BARD1: variants seen among roughly 807,000 people sequenced by gnomAD.
The protein encoded by BARD1 is BRCA1-associated RING domain protein 1.
A neutral mutation model predicts 77.0 loss-of-function variants in BARD1; 73 were observed. That is an observed-to-expected ratio of 0.95 (90% CI 0.79 to 1.15). The LOEUF (loss-of-function observed/expected upper bound fraction) is 1.15. BARD1 is among the 50% of genes most tolerant of loss of function. BARD1 has a pLI of 0.00. For synonymous variants in BARD1, 384 were observed against 338.0 expected, an observed-to-expected ratio of 1.14 and a Z score of -1.49; for missense variants, 993 against 938.8, an observed-to-expected ratio of 1.06 and a Z score of -0.75.
At chr2:214,740,972 C>T (rs1318342997) in intron 9 of BARD1, among the ~76,000 whole-genome samples, 1 of 151,900 alleles carries the variant, frequency 6.6e-6, no homozygotes, top group Non-Finnish European at 1.5e-5. Flanking sequence ...TTCCATAGTA[C>T]TCTCAGTATC....
intron 9 of BARD1, among the ~76,000 whole-genome samples, chr2:214,739,701 C>T (rs1692726395): frequency 6.6e-6 from 1 of 152,038 alleles, no homozygotes; most frequent in African/African-American, 2.4e-5. Context: ...AAAATAAAGG[C>T]TAAATGTTTC....
intron 4 of BARD1, among the ~76,000 whole-genome samples, chr2:214,776,736 T>C (rs922269240): frequency 6.6e-6 from 1 of 152,294 alleles, no homozygotes; most frequent in Non-Finnish European, 1.5e-5. Context: ...TATGTTACCT[T>C]ACGTGGTGAA....
At chr2:214,801,987 T>C (rs1474715118) in intron 1 of BARD1, among the ~76,000 whole-genome samples, 1 of 151,872 alleles carries the variant, frequency 6.6e-6, no homozygotes, top group Non-Finnish European at 1.5e-5. Context: ...GCCTCCCACA[T>C]AGCTGAGACT....
At chr2:214,779,551 T>C (rs1020556296) in intron 4 of BARD1, among the ~76,000 whole-genome samples, 1 of 152,214 alleles carries the variant, frequency 6.6e-6, no homozygotes, top group African/African-American at 2.4e-5. Flanking sequence ...CAGCAGCAGC[T>C]GGGATAAGCT....
chr2:214,740,904 T>TTTG (rs1409061036), intron 9 of BARD1, among the ~76,000 whole-genome samples: 1 of 142,122 alleles, frequency 7.0e-6, no homozygotes, highest in African/African-American at 3.1e-5. Flanking sequence ...ATACGAATGT[T>TTTG]TTTTTTTAAA....
chr2:214,748,775 A>G (rs1693263120), intron 7 of BARD1, among the ~76,000 whole-genome samples: 1 of 151,910 alleles, frequency 6.6e-6, no homozygotes, highest in Non-Finnish European at 1.5e-5. Context: ...GAGATCACTG[A>G]TTTAAAGGGT....
At chr2:214,799,615 C>G (rs1695922713) in intron 1 of BARD1, among the ~76,000 whole-genome samples, 1 of 152,176 alleles carries the variant, frequency 6.6e-6, no homozygotes, top group Admixed American at 6.5e-5. Context: ...GTTCCCATAT[C>G]TTTTCTGCCT....
chr2:214,785,890 AAT>A (rs1475338436), intron 3 of BARD1, among the ~76,000 whole-genome samples: 4 of 151,996 alleles, frequency 2.6e-5, no homozygotes, highest in African/African-American at 7.3e-5. Flanking sequence ...GGCTTCTTAC[AAT>A]ATGTTTTGTT....
intron 1 of BARD1, among the ~76,000 whole-genome samples, chr2:214,802,113 A>T (rs1696052299): frequency 6.6e-6 from 1 of 152,076 alleles, no homozygotes; most frequent in Admixed American, 6.5e-5. Context: ...CAATGGTTCG[A>T]CTCACAATTT....
chr2:214,751,601 G>A (rs1559393818), intron 7 of BARD1, among the ~76,000 whole-genome samples: 1 of 152,050 alleles, frequency 6.6e-6, no homozygotes, highest in Admixed American at 6.6e-5. Flanking sequence ...TAAGCTATGG[G>A]TTCCTAAGAA....
At chr2:214,753,763 G>A (rs1693568104) in intron 6 of BARD1, among the ~76,000 whole-genome samples, 1 of 152,104 alleles carries the variant, frequency 6.6e-6, no homozygotes, top group South Asian at 2.1e-4. Context: ...GAAAGCTAAT[G>A]TATTAGAATA....
chr2:214,775,294 TCA>T (rs1305203559), intron 4 of BARD1, among the ~76,000 whole-genome samples: 1 of 152,172 alleles, frequency 6.6e-6, no homozygotes, highest in African/African-American at 2.4e-5. Context: ...ACTTGAAAAC[TCA>T]GAGGACATTG....
rs548161156 is a variant in BARD1, at chr2:214,789,239, T to G, written c.364+3058A>C. 2.0e-4 allele frequency among the ~76,000 whole-genome samples: 31 copies of G among 152,126 alleles called. No individual in the cohort carries two copies. In the South Asian group the frequency reaches 6.4e-3, roughly 32 times the overall value. ...TTCTAAGAATGTATTTTAAAATTATTTTAATTAGGTCAGGCACAATTAGCT... is the reference window on the plus strand; with the variant it reads ...TTCTAAGAATGTATTTTAAAATTATGTTAATTAGGTCAGGCACAATTAGCT... On this transcript the variant is annotated intron_variant, in intron 3 of 10. Transcript: ENST00000260947.
intron 6 of BARD1, among the ~76,000 whole-genome samples, chr2:214,755,698 T>C (rs1009532848): frequency 6.6e-6 from 1 of 152,166 alleles, no homozygotes; most frequent in Admixed American, 6.5e-5. Flanking sequence ...AAGCTTTCTA[T>C]CAAACCTTCT....
At chr2:214,799,785 T>C (rs988692761) in intron 1 of BARD1, among the ~76,000 whole-genome samples, 12 of 152,148 alleles carry the variant, frequency 7.9e-5, no homozygotes, top group African/African-American at 2.7e-4. Flanking sequence ...CAGATAAAAG[T>C]TCTTAAATGA....
At chr2:214,736,140 C>T (rs1429200399) in intron 9 of BARD1, among the ~76,000 whole-genome samples, 1 of 151,962 alleles carries the variant, frequency 6.6e-6, no homozygotes, top group East Asian at 1.9e-4. Flanking sequence ...TTAATAACCA[C>T]TCACTGAATT....
chr2:214,754,265 A>G (rs1693593402), intron 6 of BARD1, among the ~76,000 whole-genome samples: 1 of 149,678 alleles, frequency 6.7e-6, no homozygotes, highest in African/African-American at 2.5e-5. Context: ...ATGCCATCCA[A>G]AAAAAAAAAT....
At chr2:214,798,940 A>G (rs1298077080) in intron 1 of BARD1, among the ~76,000 whole-genome samples, 1 of 151,984 alleles carries the variant, frequency 6.6e-6, no homozygotes, top group Non-Finnish European at 1.5e-5. Context: ...AACATGGTGA[A>G]ACCCTGTCTC....
intron 4 of BARD1, among the ~76,000 whole-genome samples, chr2:214,771,419 ATTTT>A (rs928372760): frequency 6.6e-6 from 1 of 151,180 alleles, no homozygotes; most frequent in Non-Finnish European, 1.5e-5. Context: ...ATAATATTTG[ATTTT>A]TTTTTCTTTT....
Sources: gnomAD v4.1 joint callset for allele counts (sites outside exome capture counted in the v4.1 genomes callset) on GRCh38, gnomAD v4.1.1 for gene constraint, MANE v1.5 for transcripts, NCBI Gene and HGNC (gene_info 2026-07-23, HGNC 2026-07-21) for gene names.